Variants in PTPRD observed in about 807,000 individuals in gnomAD.
PTPRD encodes the protein receptor-type tyrosine-protein phosphatase delta.
Under a neutral mutation model 214.5 loss-of-function variants are expected in PTPRD, and 34 were observed. That is an observed-to-expected ratio of 0.16 (90% CI 0.12 to 0.21). PTPRD has a LOEUF of 0.21. Among genes scored for constraint, PTPRD ranks in the 10% least tolerant of loss-of-function variants. PTPRD has a pLI of 1.00. For missense variants in PTPRD, 2,545 were observed against 2,398.7 expected (o/e 1.06, Z -1.27); for synonymous variants, 1,128 against 845.7 (o/e 1.33, Z -5.79).
At chr9:9,996,915 T>C (rs1396189139) in intron 4 of PTPRD, among the ~76,000 whole-genome samples, 2 of 152,164 alleles carry the variant, frequency 1.3e-5, no homozygotes, top group Non-Finnish European at 2.9e-5. Flanking sequence ...AAATATCCAG[T>C]TATCAAAAAC....
chr9:10,271,075 C>T (rs1359273338), intron 3 of PTPRD, among the ~76,000 whole-genome samples: 2 of 152,004 alleles, frequency 1.3e-5, no homozygotes, highest in Non-Finnish European at 2.9e-5. Flanking sequence ...TCTTTTGTTT[C>T]GGCCTCCCAA....
At chr9:8,547,951 C>T (rs975973202) in intron 14 of PTPRD, among the ~76,000 whole-genome samples, 38 of 152,160 alleles carry the variant, frequency 2.5e-4, no homozygotes, top group African/African-American at 9.2e-4. Flanking sequence ...CAGCACCTGA[C>T]AGCTGCAAAA....
At chr9:8,327,384 C>G (rs766145133) in intron 44 of PTPRD, among the ~76,000 whole-genome samples, 2 of 151,644 alleles carry the variant, frequency 1.3e-5, no homozygotes, top group Non-Finnish European at 2.9e-5. Context: ...TTTGATTGCA[C>G]TGTGGTCTGA....
intron 2 of PTPRD, among the ~76,000 whole-genome samples, chr9:10,498,210 T>A (rs996980635): frequency 3.3e-5 from 5 of 151,986 alleles, no homozygotes; most frequent in African/African-American, 9.7e-5. Flanking sequence ...CGGATTCTGA[T>A]GCTTAGCTTT....
intron 4 of PTPRD, among the ~76,000 whole-genome samples, chr9:9,950,024 T>C (rs2093284148): frequency 1.3e-5 from 2 of 152,128 alleles, no homozygotes; most frequent in African/African-American, 4.8e-5. Flanking sequence ...TAACATAAAG[T>C]CTCTTAGTTA....
In PTPRD at chr9:8,486,223, A is replaced by G. The variant is rs773290436; in HGVS notation, c.2594T>C (p.Met865Thr). The stretch of plus-strand genomic sequence containing the variant: ...GAACTCAAGAGTAGTAAGTGGCTCC[A>G]TATCCTTGCGGCCAAATTTTAGACG... The part of the protein sequence containing the change: ...GYRLKFGRKD[M>T]EPLTTLEFSE... Residue 865 changes from methionine to threonine, a missense_variant, in exon 28 of 46, where the codon ATG becomes ACG. Transcript: ENST00000381196. 9.9e-6 allele frequency: 16 copies of G among 1,614,224 alleles called. No homozygotes were observed. Among genetic ancestry groups the G allele is most frequent in the Non-Finnish European group, 1.4e-5 (16 of 1,180,038 alleles).
At chr9:9,241,377 G>A (rs1445317803) in intron 9 of PTPRD, among the ~76,000 whole-genome samples, 2 of 152,062 alleles carry the variant, frequency 1.3e-5, no homozygotes, top group African/African-American at 4.8e-5. Flanking sequence ...ATTCACATAA[G>A]TTCAATAAGA....
chr9:8,586,086 G>A (rs1444876429), intron 14 of PTPRD, among the ~76,000 whole-genome samples: 1 of 152,186 alleles, frequency 6.6e-6, no homozygotes. Context: ...CAGATAACAA[G>A]GTCAGGAGAT....
intron 4 of PTPRD, among the ~76,000 whole-genome samples, chr9:10,009,340 C>T (rs1027632819): frequency 9.3e-6 from 1 of 107,362 alleles, no homozygotes. Flanking sequence ...TGATTTTATA[C>T]ATTTTAGGGA....
At chr9:9,235,118 G>A (rs895751162) in intron 9 of PTPRD, among the ~76,000 whole-genome samples, 7 of 152,146 alleles carry the variant, frequency 4.6e-5, no homozygotes, top group African/African-American at 1.2e-4. Flanking sequence ...CATGGCAGAA[G>A]TCACCACTTC....
At chr9:8,821,283 C>T (rs1022299099) in intron 11 of PTPRD, among the ~76,000 whole-genome samples, 1 of 152,078 alleles carries the variant, frequency 6.6e-6, no homozygotes, top group Non-Finnish European at 1.5e-5. Context: ...ACCTCTCTCT[C>T]TCTCTGTCTC....
chr9:9,191,001 G>A (rs1006812430), intron 9 of PTPRD, among the ~76,000 whole-genome samples: 4 of 152,038 alleles, frequency 2.6e-5, no homozygotes, highest in African/African-American at 9.7e-5. Flanking sequence ...CTCATCTCCT[G>A]GCATTCATAC....
intron 2 of PTPRD, among the ~76,000 whole-genome samples, chr9:10,371,880 C>A (rs1411682646): frequency 6.6e-6 from 1 of 152,064 alleles, no homozygotes; most frequent in Non-Finnish European, 1.5e-5. Context: ...GCTGGTAAAA[C>A]AGCTGATTGC....
At chr9:10,011,479 A>G (rs1363933376) in intron 4 of PTPRD, among the ~76,000 whole-genome samples, 2 of 151,980 alleles carry the variant, frequency 1.3e-5, no homozygotes. Context: ...ATGCATAAGT[A>G]TCTTAAATTA....
At chr9:9,940,879 G>A (rs777699171) in intron 4 of PTPRD, among the ~76,000 whole-genome samples, 1 of 151,978 alleles carries the variant, frequency 6.6e-6, no homozygotes, top group Non-Finnish European at 1.5e-5. Context: ...TGATCTGAAG[G>A]CTTTCTCCAG....
chr9:8,392,377 T>G (rs2135823245), intron 36 of PTPRD, among the ~76,000 whole-genome samples: 1 of 152,018 alleles, frequency 6.6e-6, no homozygotes, highest in Non-Finnish European at 1.5e-5. Context: ...CACTAAAAAC[T>G]TGGCTGGATA....
At chr9:9,642,379 A>G (rs2095995331) in intron 7 of PTPRD, among the ~76,000 whole-genome samples, 1 of 151,682 alleles carries the variant, frequency 6.6e-6, no homozygotes, top group African/African-American at 2.4e-5. Context: ...ACTAACCTGC[A>G]CAATGTGCAC....
intron 11 of PTPRD, among the ~76,000 whole-genome samples, chr9:9,012,179 C>A (rs915800946): frequency 6.6e-6 from 1 of 152,104 alleles, no homozygotes; most frequent in Non-Finnish European, 1.5e-5. Context: ...AGTCTTACAG[C>A]CACAGGAAAT....
chr9:8,656,504 T>G (rs1409317882), intron 12 of PTPRD, among the ~76,000 whole-genome samples: 2 of 152,152 alleles, frequency 1.3e-5, no homozygotes, highest in African/African-American at 4.8e-5. Flanking sequence ...AAGCTTCAGC[T>G]TCAGGACCCT....
Sources: gnomAD v4.1 joint callset for allele counts (sites outside exome capture counted in the v4.1 genomes callset) on GRCh38, gnomAD v4.1.1 for gene constraint, MANE v1.5 for transcripts, NCBI Gene and HGNC (gene_info 2026-07-23, HGNC 2026-07-21) for gene names.